ITGA10: variants seen among roughly 807,000 people sequenced by gnomAD.
ITGA10 encodes the protein integrin alpha-10.
In ITGA10, 105 loss-of-function variants were observed where a neutral mutation model predicts 145.2. The ratio of observed to expected loss-of-function variants is 0.72; its 90% CI spans 0.62 to 0.85. The LOEUF is 0.85. Among genes scored for constraint, ITGA10 ranks in the 40% least tolerant of loss-of-function variants. The pLI is 0.00. For missense variants in ITGA10, 1,317 were observed against 1,444.5 expected, an observed-to-expected ratio of 0.91 and a Z score of 1.43; for synonymous variants, 506 against 557.8, an observed-to-expected ratio of 0.91 and a Z score of 1.31.
chr1:145,895,668 G>A lies in ITGA10; in HGVS notation c.3077C>T (p.Pro1026Leu), dbSNP rs374447173. 26 of 1,614,250 alleles carry A rather than the reference G, an allele frequency of 1.6e-5. No homozygotes were observed. In the African/African-American group the frequency reaches 3.2e-4, roughly 20 times the overall value. Residue 1026 changes from proline to leucine, a missense_variant, in exon 26 of 30, where the codon CCT (proline) becomes CTT (leucine). Coordinates refer to ENST00000369304, the MANE Select transcript of ITGA10 (RefSeq NM_003637.5). ...VQNLTEPPGP[P>L]VHPEELQHTN... ...GTGTTGAAGCTCCTCTGGATGCACAGGTGGGCCTGGGGGTTCAGTCAGGTT... is the reference window on the plus strand; with the variant it reads ...GTGTTGAAGCTCCTCTGGATGCACAAGTGGGCCTGGGGGTTCAGTCAGGTT...
At chr1:145,900,317 G>C (rs1306866176) in intron 14 of ITGA10, 130 bp from the exon 15 acceptor site, 5 of 1,031,300 alleles carry the variant, frequency 4.8e-6, no homozygotes, top group Non-Finnish European at 6.8e-6. Context: ...GCCCAGGCTG[G>C]AGTGCAATGG....
At chr1:145,907,579 C>T (rs1339920260) in intron 1 of ITGA10, 114 bp from the exon 2 acceptor site, 3 of 1,516,250 alleles carry the variant, frequency 2.0e-6, no homozygotes, top group Non-Finnish European at 2.6e-6. Flanking sequence ...CTTTTTCACT[C>T]ATAAGCTTTT....
At chr1:145,897,402 G>T in intron 20 of ITGA10, 63 bp from the exon 21 acceptor site, 1 of 1,594,994 alleles carries the variant, frequency 6.3e-7, no homozygotes, top group Non-Finnish European at 8.6e-7. Flanking sequence ...CCTACCCACA[G>T]CCTCTAAACA....
intron 29 of ITGA10, 57 bp from the exon 30 acceptor site, chr1:145,892,920 T>G: frequency 1.5e-6 from 2 of 1,363,242 alleles, no homozygotes; most frequent in Non-Finnish European, 1.0e-6. Context: ...ACCTTGCCAG[T>G]AGCTCTCAGA....
intron 23 of ITGA10, among the ~76,000 whole-genome samples, 191 bp from the exon 24 acceptor site, chr1:145,896,543 C>A (rs373254442): frequency 6.6e-6 from 1 of 152,256 alleles, no homozygotes; most frequent in South Asian, 2.1e-4. Context: ...ATCCCATATC[C>A]CCTCATCCCA....
At position 145,907,403 on chromosome 1, in the gene ITGA10, C is replaced by T. The variant is rs1657305390; in HGVS notation, c.115G>A (p.Ala39Thr). 1.9e-6 allele frequency: 3 copies of T among 1,614,072 alleles called. No homozygotes were observed. The highest frequency in any genetic ancestry group is 2.5e-6 in the Non-Finnish European group (3 of 1,180,048). The change falls in exon 2 of 30, where the codon GCT (alanine) becomes ACT (threonine). Residue 39 changes from alanine (A) to threonine (T), a missense_variant. Ala to Thr is a moderately conservative substitution (Grantham distance 58). Transcript: ENST00000369304. Reference protein sequence around the residue: ...HPRLFPGPPEAEFGYSVLQHV... With the variant: ...HPRLFPGPPETEFGYSVLQHV... ...TGTAAGACACTGTATCCAAATTCAG[C>T]TTCTGGTGGCCCTGGGAATAGGCGT...
chr1:145,909,395 T>A (rs1313194520), intron 1 of ITGA10, among the ~76,000 whole-genome samples: 1 of 147,070 alleles, frequency 6.8e-6, no homozygotes, highest in Non-Finnish European at 1.5e-5. Flanking sequence ...GACAACAAAG[T>A]GAGACCCTAT....
At chr1:145,895,476 G>A (rs991968740) in intron 26 of ITGA10, 83 bp from the exon 27 acceptor site, 1 of 1,380,428 alleles carries the variant, frequency 7.2e-7, no homozygotes, top group Non-Finnish European at 1.0e-6. Context: ...ACACAGTCTT[G>A]TCCCAAGGCA....
chr1:145,898,876 G>A, intron 17 of ITGA10, 60 bp downstream of exon 17: 1 of 1,556,290 alleles, frequency 6.4e-7, no homozygotes, highest in African/African-American at 1.4e-5. Flanking sequence ...TTCCTCCTCT[G>A]ACCCAGCTTT....
At chr1:145,897,207 C>T (rs190398264) in intron 21 of ITGA10, 40 bp downstream of exon 21, 2 of 1,599,416 alleles carry the variant, frequency 1.3e-6, no homozygotes, top group African/African-American at 2.7e-5. Context: ...CCAGCCTCTG[C>T]CCTCCTAGAG....
At chr1:145,903,042 C>G (rs1159429681) in intron 7 of ITGA10, 81 bp from the exon 8 acceptor site, 10 of 971,878 alleles carry the variant, frequency 1.0e-5, no homozygotes, top group Non-Finnish European at 1.3e-5. Flanking sequence ...CACACACACA[C>G]ACACACACAC....
intron 14 of ITGA10, 21 bp downstream of exon 14, chr1:145,900,769 C>A: frequency 1.9e-6 from 3 of 1,612,778 alleles, no homozygotes; most frequent in Non-Finnish European, 2.5e-6. Context: ...CGTGCCCCTG[C>A]TTTATTTGGG....
chr1:145,904,842 A>G, intron 5 of ITGA10, 31 bp from the exon 6 acceptor site: 1 of 1,606,314 alleles, frequency 6.2e-7, no homozygotes. Flanking sequence ...GAGGTAGAGG[A>G]CACTGAGCTG....
At chr1:145,899,727 T>C (rs1311982038) in intron 15 of ITGA10, among the ~76,000 whole-genome samples, 1 of 152,056 alleles carries the variant, frequency 6.6e-6, no homozygotes, top group Non-Finnish European at 1.5e-5. Context: ...GTCAGGCTGT[T>C]CTTGAACTCC....
chr1:145,898,658 G>A (rs1282926643), intron 17 of ITGA10, among the ~76,000 whole-genome samples: 1 of 152,106 alleles, frequency 6.6e-6, no homozygotes, highest in Non-Finnish European at 1.5e-5. Context: ...GTGAGCCACT[G>A]CGCCCGGCTA....
At position 145,898,095 on chromosome 1, in the gene ITGA10, C is replaced by T. The variant is rs1012560758; in HGVS notation, c.2346+15G>A. ...GCAGTGTTGGGAGCAAGGGGCAGGG[C>T]ATGGCACTGCTGACCAGCTTTTGTA... is the stretch of plus-strand genomic sequence containing the variant. On this transcript the variant is annotated intron_variant, in intron 18 of 29. Transcript: ENST00000369304. 20 of 1,572,280 alleles carry T rather than the reference C, an allele frequency of 1.3e-5. No individual in the cohort carries two copies. Among genetic ancestry groups the T allele is most frequent in the South Asian group, 1.1e-4 (10 of 90,224 alleles).
rs1217443310 is a variant in ITGA10 at position 145,899,355 on chromosome 1, G to A, written c.1923-14C>T. On this transcript the variant is annotated splice_polypyrimidine_tract_variant and intron_variant, in intron 15 of 29. Transcript: ENST00000369304. The stretch of plus-strand genomic sequence containing the variant: ...ATGGGCCGGGAGCTGGGAACAGTGT[G>A]GAAAAGAAATTCTAGCAGTAGGAGG... 4.3e-6 allele frequency: 7 copies of A among 1,610,158 alleles called. No individual in the cohort carries two copies. Among genetic ancestry groups the A allele is most frequent in the Admixed American group, 3.3e-5 (2 of 59,780 alleles).
intron 1 of ITGA10, among the ~76,000 whole-genome samples, chr1:145,909,533 T>C (rs1268481373): frequency 7.8e-6 from 1 of 128,072 alleles, no homozygotes; most frequent in Admixed American, 8.1e-5. Flanking sequence ...TTATATATAA[T>C]ATATAATTAT....
In ITGA10 at chr1:145,902,920, G is replaced by GCCT. The variant is rs782510247; in HGVS notation, c.797_799dup (p.Glu266dup). On this transcript the variant is annotated inframe_insertion, in exon 8 of 30. Transcript: ENST00000369304. ...AGTGACAACCACCAGTAGCCTGGCA[G>GCCT]CCTCGGGTCGGCCCCCATGGGACTG... The GCCT allele has an allele frequency of 6.2e-7, 1 of 1,613,068 alleles. No individual in the cohort carries two copies. Among genetic ancestry groups the GCCT allele is most frequent in the Admixed American group, 1.7e-5 (1 of 59,916 alleles).
Sources: allele counts gnomAD v4.1 joint callset (sites outside exome capture counted in the v4.1 genomes callset), GRCh38; gene constraint gnomAD v4.1.1; transcripts MANE v1.5; gene names NCBI Gene and HGNC (gene_info 2026-07-23, HGNC 2026-07-21).